The following ABCA2 variants were observed in gnomAD, a reference collection of about 807,000 sequenced individuals.
ABCA2 encodes the protein ATP binding cassette subfamily A member 2, also known as ATP-binding cassette sub-family A member 2.
Under a neutral mutation model 262.8 loss-of-function variants are expected in ABCA2, and 84 were observed. The ratio of observed to expected loss-of-function variants is 0.32; its 90% CI spans 0.27 to 0.38. ABCA2 has a LOEUF of 0.38. Ranked by LOEUF, ABCA2 falls within the 10% of genes least tolerant of loss-of-function variation. The pLI is 1.00. For synonymous variants in ABCA2, 1,696 were observed against 1,502.9 expected (o/e 1.13, Z -2.97); for missense variants, 2,662 against 3,405.9 (o/e 0.78, Z 5.44).
chr9:137,017,591 G>T lies in ABCA2; in HGVS notation c.2313C>A (p.Ile771=). 6.2e-7 allele frequency: 1 copy of T among 1,612,778 alleles called. No individual in the cohort carries two copies. Among genetic ancestry groups the T allele is most frequent in the Non-Finnish European group, 8.5e-7 (1 of 1,179,940 alleles). Residue 771 remains isoleucine (I), a synonymous_variant, in exon 17 of 49, where the codon ATC becomes ATA. Transcript: ENST00000341511. ...LSISVTALTA[I]LKYGQVLMHS... ...GCATAAGCACCTGGCCGTACTTCAG[G>T]ATGGCGGTGAGTGCTGTCACGGAGA...
intron 33 of ABCA2, 39 bp downstream of exon 33, chr9:137,012,226 T>G: frequency 1.7e-6 from 2 of 1,185,572 alleles, no homozygotes; most frequent in Non-Finnish European, 2.3e-6. Context: ...CGGCCCCAGC[T>G]CCTCCCCGCC....
chr9:137,023,061 C>T lies in ABCA2; in HGVS notation c.164-9G>A, dbSNP rs1356739477. The T allele has an allele frequency of 1.3e-6, 2 of 1,571,124 alleles. No individual in the cohort carries two copies. The highest frequency in any genetic ancestry group is 2.3e-5 in the South Asian group (2 of 85,734). ...CGCCGCTGTGTAGAAGGCTGGCAGA[C>T]CCACGGGAGAGGGCAGGGTCGGGGG... On this transcript the variant is annotated splice_polypyrimidine_tract_variant and intron_variant, in intron 3 of 48. Transcript: ENST00000341511.
chr9:137,020,637 G>A, intron 9 of ABCA2, 57 bp downstream of exon 9: 4 of 1,585,308 alleles, frequency 2.5e-6, no homozygotes, highest in Non-Finnish European at 3.4e-6. Context: ...TAGATTCAGG[G>A]CTCACGCCCT....
Position 137,023,059 on chromosome 9 carries a change from G to T in ABCA2, c.164-7C>A. The stretch of plus-strand genomic sequence containing the variant: ...GGCGCCGCTGTGTAGAAGGCTGGCA[G>T]ACCCACGGGAGAGGGCAGGGTCGGG... On this transcript the variant is annotated splice_polypyrimidine_tract_variant and splice_region_variant and intron_variant, in intron 3 of 48. Coordinates refer to ENST00000341511, the MANE Select transcript of ABCA2 (RefSeq NM_001606.5). 6.4e-7 allele frequency: 1 copy of T among 1,572,304 alleles called. No individual in the cohort carries two copies. The highest frequency in any genetic ancestry group is 8.6e-7 in the Non-Finnish European group (1 of 1,159,408).
chr9:137,018,320 C>G lies in ABCA2; in HGVS notation c.1851G>C (p.Ser617=). ...SVIFQTRKDG[S]LPPHVHYKIR... Reference sequence around the variant, plus strand: ...TCTTGTAGTGCACGTGAGGCGGGAGCGAGCCGTCCTTCCGGGTCTGGAAGA... The same window carrying G: ...TCTTGTAGTGCACGTGAGGCGGGAGGGAGCCGTCCTTCCGGGTCTGGAAGA... The change falls in exon 14 of 49, where the codon TCG becomes TCC. Residue 617 remains serine (S), a synonymous_variant. Transcript: ENST00000341511. 6.3e-7 allele frequency: 1 copy of G among 1,588,402 alleles called. No individual in the cohort carries two copies. Among genetic ancestry groups the G allele is most frequent in the Non-Finnish European group, 8.5e-7 (1 of 1,171,180 alleles).
At chr9:137,028,784 A>T, upstream of ABCA2, 1 of 1,291,854 alleles carries the variant, frequency 7.7e-7, no homozygotes, top group South Asian at 1.3e-5. This position sits in a 1 kb window ranked among gnomAD's most constrained non-coding sequence, Gnocchi z 6.9. Flanking sequence ...GAAGGGGGGA[A>T]ACTCGAGGCC....
intron 24 of ABCA2, 54 bp downstream of exon 24, chr9:137,015,360 G>T: frequency 6.6e-7 from 1 of 1,504,772 alleles, no homozygotes. Flanking sequence ...TTCTCAGGTG[G>T]GGGTCCCGGG....
At position 137,016,175 on chromosome 9, in the gene ABCA2, C is replaced by G. The variant is rs1208812177; in HGVS notation, c.3105-1G>C. 1 of 1,612,564 alleles carries G rather than the reference C, an allele frequency of 6.2e-7. No homozygotes were observed. The highest frequency in any genetic ancestry group is 2.2e-5 in the East Asian group (1 of 44,862). ...AGGGAACAGGCCGGTCAGGATGGAC[C>G]TGGGTAGGTGGGCGGGGTCATGACC... On this transcript the variant is annotated splice_acceptor_variant, in intron 21 of 48. Transcript: ENST00000341511. LOFTEE classifies it high-confidence loss of function.
At chr9:137,017,413 C>A (rs1219530842) in intron 17 of ABCA2, 67 bp from the exon 18 acceptor site, 1 of 1,603,856 alleles carries the variant, frequency 6.2e-7, no homozygotes, top group Non-Finnish European at 8.5e-7. Context: ...CAGGCCCGTG[C>A]CAGGGTCCAG....
rs754827905 is a variant in ABCA2 at position 137,013,966 on chromosome 9, C to T, written c.4313G>A (p.Arg1438His). The T allele has an allele frequency of 3.3e-5, 54 of 1,612,032 alleles. No individual in the cohort carries two copies. The highest frequency in any genetic ancestry group is 4.5e-5 in the East Asian group (2 of 44,886). ...TTTGACCAGCAGCCCGTGGAACTGG[C>T]GCACCTTCAGCCACCCGCCGTCCAG... ...RKLDGGWLKV[R>H]QFHGLLVKRF... The change falls in exon 28 of 49, where the codon CGC (arginine) becomes CAC (histidine). Residue 1438 changes from arginine (R) to histidine (H), a missense_variant. This residue lies in a region of ABCA2 where 75 missense variants were observed against 118.3 expected (regional missense o/e 0.63). Transcript: ENST00000341511.
intron 6 of ABCA2, among the ~76,000 whole-genome samples, 161 bp from the exon 7 acceptor site, chr9:137,022,162 A>G (rs1420907612): frequency 1.8e-4 from 4 of 21,676 alleles, no homozygotes; most frequent in East Asian, 3.0e-3. Flanking sequence ...GCTCCGATGT[A>G]GGTGTGGGGG....
Position 137,025,951 on chromosome 9 carries a change from C to T in ABCA2, c.67-1715G>A, listed in dbSNP as rs373854258. On this transcript the variant is annotated intron_variant, in intron 1 of 48. Transcript: ENST00000341511. ...AGGTGCCTCCAGGTGGCCCAACCTC[C>T]GTCCCTCGAGACCAGCCCAGTGCCT... 1.1e-3 allele frequency among the ~76,000 whole-genome samples: 161 copies of T among 152,310 alleles called. 2 individuals carry two copies. The highest frequency in any genetic ancestry group is 3.3e-3 in the African/African-American group (136 of 41,556).
In ABCA2 at chr9:137,018,344, G is replaced by A. The variant is rs750152451; in HGVS notation, c.1827C>T (p.Ile609=). 3 of 1,409,008 alleles carry A rather than the reference G, an allele frequency of 2.1e-6. No individual in the cohort carries two copies. The highest frequency in any genetic ancestry group is 2.8e-6 in the Non-Finnish European group (3 of 1,060,232). 87.3% of individuals were successfully genotyped at this position (1,409,008 alleles called of 1,614,324 possible). A position where few individuals can be genotyped will look rare whatever the true frequency, so the allele number is the denominator to read the frequency against. Residue 609 remains isoleucine (I), a synonymous_variant, in exon 14 of 49, where the codon ATC becomes ATT. Coordinates refer to ENST00000341511, the MANE Select transcript of ABCA2 (RefSeq NM_001606.5). ...QDNVTVFASV[I]FQTRKDGSLP... ...GCGAGCCGTCCTTCCGGGTCTGGAA[G>A]ATCACACCTGGGGCCGGGAGGTTGG...
In ABCA2 at chr9:137,017,247, G is replaced by A. The variant is rs756913734; in HGVS notation, c.2502C>T (p.Ile834=). ...TCTTATCATGCGCCACCTCCTCTCG[G>A]ATCGCCACGTACATGTAGGGCACGT... ...LSYVPYMYVA[I]REEVAHDKIT... The change falls in exon 18 of 49, where the codon ATC becomes ATT. Residue 834 remains isoleucine, a synonymous_variant. Coordinates refer to ENST00000341511, the MANE Select transcript of ABCA2 (RefSeq NM_001606.5). 6.2e-7 allele frequency: 1 copy of A among 1,612,684 alleles called. No homozygotes were observed. Among genetic ancestry groups the A allele is most frequent in the East Asian group, 2.2e-5 (1 of 44,864 alleles).
intron 39 of ABCA2, 29 bp from the exon 40 acceptor site, chr9:137,010,766 C>A: frequency 6.3e-7 from 1 of 1,593,234 alleles, no homozygotes; most frequent in Non-Finnish European, 8.6e-7. Flanking sequence ...CAGTGTCCAG[C>A]AGCTCGCCAC....
chr9:137,010,216 GCC>G lies in ABCA2; in HGVS notation c.6328_6329del (p.Gly2110ArgfsTer27). 1 of 1,604,254 alleles carries G rather than the reference GCC, an allele frequency of 6.2e-7. No individual in the cohort carries two copies. ...ACCTGTGTCCATTGACGAAGGCCTC[GCC>G]CCCCGTCGTGCTCTCGTCGCCGGTC... ...MLTGDESTTG[G>X]EAFVNGHSVL... On this transcript the variant is annotated frameshift_variant, in exon 41 of 49. Coordinates refer to ENST00000341511, the MANE Select transcript of ABCA2 (RefSeq NM_001606.5). LOFTEE classifies it high-confidence loss of function.
At position 137,009,608 on chromosome 9, in the gene ABCA2, G is replaced by C; in HGVS notation, c.6667C>G (p.Arg2223Gly). ...PTTGMDPKAR[R>G]FLWNLILDLI... Reference sequence around the variant, plus strand: ...TCAAGGATGAGGTTCCAGAGGAAGCGCCGGGCCTTGGGGTCCATGCCTGTG... The same window carrying C: ...TCAAGGATGAGGTTCCAGAGGAAGCCCCGGGCCTTGGGGTCCATGCCTGTG... The change falls in exon 44 of 49, where the codon CGC (arginine) becomes GGC (glycine). Residue 2223 changes from arginine to glycine, a missense_variant. Transcript: ENST00000341511. The C allele has an allele frequency of 6.2e-7, 1 of 1,612,948 alleles. No individual in the cohort carries two copies. The highest frequency in any genetic ancestry group is 8.5e-7 in the Non-Finnish European group (1 of 1,179,900).
chr9:137,016,778 T>C (rs1190020065), intron 19 of ABCA2, 40 bp from the exon 20 acceptor site: 2 of 1,542,074 alleles, frequency 1.3e-6, no homozygotes, highest in South Asian at 2.4e-5. Context: ...ACCTAGGGCC[T>C]GGGGTGACCA....
Position 137,013,011 on chromosome 9 carries a change from C to A in ABCA2, c.4858G>T (p.Ala1620Ser). The A allele has an allele frequency of 2.2e-6, 3 of 1,338,348 alleles. No homozygotes were observed. The highest frequency in any genetic ancestry group is 1.5e-5 in the African/African-American group (1 of 66,896). 82.9% of individuals were successfully genotyped at this position (1,338,348 alleles called of 1,614,324 possible). ...QAWNVSLPPT[A>S]GPEMWTSAPS... Reference sequence around the variant, plus strand: ...CCCCCTGAACCACTACCTGGCCCAGCGGTGGGCGGCAGGGAGACGTTCCAG... The same window carrying A: ...CCCCCTGAACCACTACCTGGCCCAGAGGTGGGCGGCAGGGAGACGTTCCAG... The change falls in exon 30 of 49, where the codon GCT becomes TCT. Residue 1620 changes from alanine to serine, a missense_variant. Ala to Ser is a moderately conservative substitution (Grantham distance 99). This residue lies in a region of ABCA2 where 192 missense variants were observed against 207.2 expected (regional missense o/e 0.93). Transcript: ENST00000341511.
Sources: allele counts gnomAD v4.1 joint callset (sites outside exome capture counted in the v4.1 genomes callset), GRCh38; gene constraint gnomAD v4.1.1; regional missense constraint gnomAD v4.1.1; non-coding constraint Gnocchi (gnomAD v3.1); transcripts MANE v1.5; gene names NCBI Gene and HGNC (gene_info 2026-07-23, HGNC 2026-07-21).